The following MYH11 variants were observed in gnomAD, a reference collection of about 807,000 sequenced individuals.
The protein encoded by MYH11 is myosin-11.
In MYH11, 80 loss-of-function variants were observed where a neutral mutation model predicts 246.6. That is an observed-to-expected ratio of 0.32 (90% CI 0.27 to 0.39). MYH11 has a LOEUF of 0.39. MYH11 is among the 10% of genes least tolerant of loss of function. The pLI is 1.00. For missense variants in MYH11, 2,158 were observed against 2,546.8 expected (o/e 0.85, Z 3.29); for synonymous variants, 1,071 against 1,015.5 (o/e 1.05, Z -1.04).
At chr16:15,727,391 A>C (rs2040821633) in intron 27 of MYH11, among the ~76,000 whole-genome samples, 1 of 151,914 alleles carries the variant, frequency 6.6e-6, no homozygotes, top group African/African-American at 2.4e-5. Flanking sequence ...AGTAGAGACG[A>C]GGTTTCACCA....
At chr16:15,838,742 C>G (rs2043972601) in intron 1 of MYH11, among the ~76,000 whole-genome samples, 1 of 151,700 alleles carries the variant, frequency 6.6e-6, no homozygotes, top group African/African-American at 2.4e-5. Flanking sequence ...CACCTGTAAT[C>G]CCAGCCACTT....
chr16:15,782,244 A>T (rs1318047342), intron 6 of MYH11, 141 bp downstream of exon 6: 2 of 725,054 alleles, frequency 2.8e-6, no homozygotes, highest in Non-Finnish European at 5.0e-6. Context: ...GAGAGGCAGG[A>T]GCCCTTGCAA....
At position 15,741,813 on chromosome 16, in the gene MYH11, G is replaced by T. The variant is rs745429737; in HGVS notation, c.2599C>A (p.Arg867=). 2.5e-6 allele frequency: 4 copies of T among 1,614,106 alleles called. No homozygotes were observed. Among genetic ancestry groups the T allele is most frequent in the Non-Finnish European group, 1.7e-6 (2 of 1,180,014 alleles). Residue 867 remains arginine, a synonymous_variant, in exon 21 of 41, where the codon CGG becomes AGG. Coordinates refer to ENST00000300036, the MANE Select transcript of MYH11 (RefSeq NM_002474.3). Reference sequence around the variant, plus strand: ...AGCTCATTCTCTGCCTTCTGCTGCCGCTCCTTGGTCTTCTGCAGTTCATCC... The same window carrying T: ...AGCTCATTCTCTGCCTTCTGCTGCCTCTCCTTGGTCTTCTGCAGTTCATCC... ...KEDELQKTKE[R]QQKAENELKE...
chr16:15,750,033 G>T lies in MYH11; in HGVS notation c.2058+105C>A. ...AGATAGCCTTCCCCACATGGAAAAT[G>T]GGGTCCTCGGGGTAGGTGGGGGCAG... On this transcript the variant is annotated intron_variant, in intron 16 of 40. Transcript: ENST00000300036. The surrounding 1 kb of genome is among the most constrained non-coding windows in gnomAD (Gnocchi z 4.3). The T allele has an allele frequency of 7.5e-7, 1 of 1,340,566 alleles. No homozygotes were observed. The highest frequency in any genetic ancestry group is 1.0e-6 in the Non-Finnish European group (1 of 954,096). 83.0% of individuals were successfully genotyped at this position (1,340,566 alleles called of 1,614,324 possible). A position where few individuals can be genotyped will look rare whatever the true frequency, so the allele number is the denominator to read the frequency against.
intron 9 of MYH11, among the ~76,000 whole-genome samples, chr16:15,765,733 T>G (rs907637519): frequency 1.3e-5 from 2 of 152,196 alleles, no homozygotes; most frequent in African/African-American, 4.8e-5. Flanking sequence ...CCCATCCATT[T>G]GCTCCCACTT....
chr16:15,805,855 G>T (rs1456314463), intron 3 of MYH11, among the ~76,000 whole-genome samples: 1 of 152,204 alleles, frequency 6.6e-6, no homozygotes, highest in African/African-American at 2.4e-5. Flanking sequence ...GGTGGAGGTT[G>T]TAGTAAGCCA....
intron 40 of MYH11, 132 bp from the exon 41 acceptor site, chr16:15,704,255 A>C (rs2039333194): frequency 1.0e-6 from 1 of 969,848 alleles, no homozygotes; most frequent in African/African-American, 1.7e-5. Context: ...CAGAAAACAC[A>C]CACGGCACAA....
intron 3 of MYH11, among the ~76,000 whole-genome samples, chr16:15,816,620 T>G (rs2043269537): frequency 6.6e-6 from 1 of 152,138 alleles, no homozygotes; most frequent in Non-Finnish European, 1.5e-5. Context: ...ACTGGGACTC[T>G]GATATGAGGC....
intron 31 of MYH11, among the ~76,000 whole-genome samples, chr16:15,721,962 A>G (rs1422449315): frequency 4.6e-5 from 7 of 152,006 alleles, no homozygotes. Flanking sequence ...GGTTCAAGCG[A>G]TTCTCCTGCC....
chr16:15,743,330 G>A (rs949193966), intron 20 of MYH11, among the ~76,000 whole-genome samples: 4 of 152,080 alleles, frequency 2.6e-5, no homozygotes, highest in African/African-American at 4.8e-5. Context: ...CACCACACCT[G>A]GCTAATTTTT....
chr16:15,778,080 G>A (rs2042264988), intron 7 of MYH11, among the ~76,000 whole-genome samples: 1 of 152,148 alleles, frequency 6.6e-6, no homozygotes, highest in African/African-American at 2.4e-5. Context: ...CTGAGCCCTA[G>A]GGCCGCCTGC....
chr16:15,748,044 T>TA lies in MYH11; in HGVS notation c.2180+2dup. 1 of 1,614,168 alleles carries TA rather than the reference T, an allele frequency of 6.2e-7. No homozygotes were observed. The highest frequency in any genetic ancestry group is 8.5e-7 in the Non-Finnish European group (1 of 1,180,030). On this transcript the variant is annotated splice_region_variant and intron_variant, in intron 17 of 40. Transcript: ENST00000300036. ...CCTACCTGGGCCAGACCTTGGGACT[T>TA]ACCGTTGGCGGAACTCCTGGAAGAC... is the stretch of plus-strand genomic sequence containing the variant.
chr16:15,726,101 G>A lies in MYH11; in HGVS notation c.3858+747C>T, dbSNP rs149210439. The A allele has an allele frequency of 2.7e-4, 46 of 170,972 alleles. No individual in the cohort carries two copies. In the East Asian group the frequency reaches 2.7e-3, roughly 10 times the overall value. 10.6% of individuals were successfully genotyped at this position (170,972 alleles called of 1,614,324 possible). On this transcript the variant is annotated intron_variant, in intron 28 of 40. Coordinates refer to ENST00000300036, the MANE Select transcript of MYH11 (RefSeq NM_002474.3). ...TCCATGCTCCTTAGGGAAGCCTTTC[G>A]TGGCTCCTCCTCCCCCAGGTTAGGC... is the stretch of plus-strand genomic sequence containing the variant.
At chr16:15,707,896 C>T (rs1036046574) in intron 40 of MYH11, among the ~76,000 whole-genome samples, 1 of 150,508 alleles carries the variant, frequency 6.6e-6, no homozygotes, top group Admixed American at 6.7e-5. Flanking sequence ...CGCTTGAACC[C>T]AGGAGGCAAA....
At chr16:15,757,320 C>A (rs1448006074) in intron 13 of MYH11, among the ~76,000 whole-genome samples, 1 of 149,366 alleles carries the variant, frequency 6.7e-6, no homozygotes, top group Non-Finnish European at 1.5e-5. Context: ...CCAGGCCCGG[C>A]TAATTAGTAG....
At position 15,782,495 on chromosome 16, in the gene MYH11, C is replaced by A; in HGVS notation, c.634-18G>T. The A allele has an allele frequency of 6.2e-7, 1 of 1,609,828 alleles. No individual in the cohort carries two copies. Among genetic ancestry groups the A allele is most frequent in the South Asian group, 1.1e-5 (1 of 90,954 alleles). On this transcript the variant is annotated intron_variant, in intron 5 of 40. Coordinates refer to ENST00000300036, the MANE Select transcript of MYH11 (RefSeq NM_002474.3). ...AGCTCTCCCTAAAATTCATTCACAT[C>A]TAGTTATTGGAGAAAGCAACCTAGG... is the stretch of plus-strand genomic sequence containing the variant.
chr16:15,856,788 G>A (rs1011548633), intron 1 of MYH11, among the ~76,000 whole-genome samples, 153 bp downstream of exon 1: 7 of 152,040 alleles, frequency 4.6e-5, no homozygotes, highest in Non-Finnish European at 8.8e-5. Flanking sequence ...AAGGCAGAGA[G>A]AGATCCAAAT....
intron 12 of MYH11, among the ~76,000 whole-genome samples, chr16:15,758,322 A>T (rs954442174): frequency 6.6e-6 from 1 of 152,192 alleles, no homozygotes; most frequent in Admixed American, 6.5e-5. Flanking sequence ...GTGAAAACAG[A>T]GGCGCAGAGA....
At chr16:15,735,668 G>C (rs1164900125) in intron 25 of MYH11, 90 bp from the exon 26 acceptor site, 1 of 1,282,904 alleles carries the variant, frequency 7.8e-7, no homozygotes, top group Non-Finnish European at 1.1e-6. Flanking sequence ...GGACCAGACA[G>C]TTATGTTGCA....
Sources: gnomAD v4.1 joint callset for allele counts (sites outside exome capture counted in the v4.1 genomes callset) on GRCh38, gnomAD v4.1.1 for gene constraint, Gnocchi (gnomAD v3.1) non-coding constraint, MANE v1.5 for transcripts, NCBI Gene and HGNC (gene_info 2026-07-23, HGNC 2026-07-21) for gene names.